Variants in CIMAP2 observed in about 807,000 individuals in gnomAD.
CIMAP2 encodes ciliary microtubule-associated protein 2.
At chr1:54,813,810 T>G in the CIMAP2 span, 1 of 1,588,408 alleles carries the variant, frequency 6.3e-7, no homozygotes, top group Non-Finnish European at 8.5e-7. Context: ...TCTCTTTTTC[T>G]TAGAAAAAAA....
the CIMAP2 span, among the ~76,000 whole-genome samples, chr1:54,835,786 C>T: frequency 1.3e-5 from 2 of 152,084 alleles, no homozygotes; most frequent in African/African-American, 2.4e-5. Flanking sequence ...AGTTACAGGG[C>T]AGCCTGAGAA....
chr1:54,835,182 GGTTT>G, the CIMAP2 span, among the ~76,000 whole-genome samples: 5,985 of 152,114 alleles, frequency 0.039, 346 homozygotes, highest in East Asian at 0.18. Context: ...ACAAAGTGAT[GGTTT>G]GTTTGTTTGT....
chr1:54,808,260 A>T, the CIMAP2 span, among the ~76,000 whole-genome samples: 1 of 152,214 alleles, frequency 6.6e-6, no homozygotes, highest in African/African-American at 2.4e-5. Flanking sequence ...TACGTATATA[A>T]GCAGGGCTAT....
At chr1:54,837,434 T>G in the CIMAP2 span, among the ~76,000 whole-genome samples, 11 of 152,140 alleles carry the variant, frequency 7.2e-5, no homozygotes, top group Non-Finnish European at 1.3e-4. Flanking sequence ...TCTCTTTTCT[T>G]AGCTGTAGAA....
chr1:54,816,931 C>T, the CIMAP2 span: 1,351 of 1,600,914 alleles, frequency 8.4e-4, 22 homozygotes, highest in Admixed American at 0.021. Flanking sequence ...GAGAGGAAGC[C>T]GAGACACAGT....
the CIMAP2 span, among the ~76,000 whole-genome samples, chr1:54,825,566 T>C: frequency 1.3e-5 from 2 of 152,096 alleles, no homozygotes; most frequent in Admixed American, 1.3e-4. Context: ...GGTGGGCTAG[T>C]CCTCAGGGAC....
chr1:54,806,170 C>A, the CIMAP2 span: 1 of 1,552,516 alleles, frequency 6.4e-7, no homozygotes, highest in Admixed American at 1.9e-5. Flanking sequence ...GCGTCGGCTC[C>A]ACGGCCACCA....
At chr1:54,816,874 C>T in the CIMAP2 span, 1 of 1,358,926 alleles carries the variant, frequency 7.4e-7, no homozygotes, top group Non-Finnish European at 1.0e-6. Flanking sequence ...TTTTGGGAGA[C>T]ACAATTCAAC....
At chr1:54,822,746 T>C in the CIMAP2 span, among the ~76,000 whole-genome samples, 3 of 152,206 alleles carry the variant, frequency 2.0e-5, no homozygotes, top group Non-Finnish European at 4.4e-5. Context: ...GCTCAAGTGA[T>C]CCATCCACTT....
the CIMAP2 span, among the ~76,000 whole-genome samples, chr1:54,819,234 C>T: frequency 3.9e-5 from 6 of 152,262 alleles, no homozygotes; most frequent in South Asian, 2.1e-4. Context: ...TCTCATTCAG[C>T]GTATGGACTG....
the CIMAP2 span, among the ~76,000 whole-genome samples, chr1:54,817,745 T>C: frequency 6.6e-6 from 1 of 151,236 alleles, no homozygotes; most frequent in Non-Finnish European, 1.5e-5. Flanking sequence ...TTTGAAATTA[T>C]GGTGAGGACA....
the CIMAP2 span, chr1:54,811,767 C>CGGGGGGGCGG: frequency 9.2e-7 from 1 of 1,088,166 alleles, no homozygotes; most frequent in Non-Finnish European, 1.4e-6. Flanking sequence ...TTCTGACAGC[C>CGGGGGGGCGG]TCCATGCCCC....
At chr1:54,809,286 C>T in the CIMAP2 span, among the ~76,000 whole-genome samples, 1 of 152,124 alleles carries the variant, frequency 6.6e-6, no homozygotes, top group Non-Finnish European at 1.5e-5. Context: ...GGGTCTTTCT[C>T]CTACACCTCA....
At chr1:54,832,492 T>G in the CIMAP2 span, among the ~76,000 whole-genome samples, 1 of 152,188 alleles carries the variant, frequency 6.6e-6, no homozygotes, top group Non-Finnish European at 1.5e-5. Flanking sequence ...CTCTTCTAAA[T>G]AGCTCTTGGG....
chr1:54,811,773 G>GCCACCAC, the CIMAP2 span: 1 of 1,325,052 alleles, frequency 7.5e-7, no homozygotes, highest in Non-Finnish European at 1.0e-6. Context: ...CAGCCTCCAT[G>GCCACCAC]CCCCCACCCC....
chr1:54,825,170 C>A, the CIMAP2 span, among the ~76,000 whole-genome samples: 2 of 149,904 alleles, frequency 1.3e-5, no homozygotes, highest in Non-Finnish European at 3.0e-5. Context: ...CCTGCCTCAA[C>A]CTCCCGAGTA....
chr1:54,814,825 G>T, the CIMAP2 span: 12 of 1,566,316 alleles, frequency 7.7e-6, 1 homozygote, highest in South Asian at 7.0e-5. Flanking sequence ...GATGGGTGGA[G>T]TCAGCTGGCC....
the CIMAP2 span, chr1:54,811,767 C>CGGGGGGCG: frequency 1.8e-6 from 2 of 1,088,170 alleles, no homozygotes; most frequent in Non-Finnish European, 2.7e-6. Flanking sequence ...TTCTGACAGC[C>CGGGGGGCG]TCCATGCCCC....
chr1:54,813,157 A>G, the CIMAP2 span, among the ~76,000 whole-genome samples: 1 of 149,224 alleles, frequency 6.7e-6, no homozygotes, highest in Non-Finnish European at 1.5e-5. Context: ...TTTTTTTTAG[A>G]TCAGTTTCAG....
Sources: gnomAD v4.1 joint callset for allele counts (sites outside exome capture counted in the v4.1 genomes callset) on GRCh38, gnomAD v4.1.1 for gene constraint, MANE v1.5 for transcripts, NCBI Gene and HGNC (gene_info 2026-07-23, HGNC 2026-07-21) for gene names.